DPYD: variants seen among roughly 807,000 people sequenced by gnomAD.
DPYD encodes dihydropyrimidine dehydrogenase [NADP(+)].
A neutral mutation model predicts 116.2 loss-of-function variants in DPYD; 109 were observed. That is an observed-to-expected ratio of 0.94 (90% confidence interval 0.80 to 1.10). The LOEUF is 1.10. Ranked by LOEUF, DPYD falls within the 50% of genes least tolerant of loss-of-function variation. The pLI is 0.00. For synonymous variants in DPYD, 440 were observed against 432.0 expected (o/e 1.02, Z -0.23); for missense variants, 1,302 against 1,254.5 (o/e 1.04, Z -0.57).
At chr1:97,455,917 CT>C (rs1300760501) in intron 13 of DPYD, among the ~76,000 whole-genome samples, 6 of 151,758 alleles carry the variant, frequency 4.0e-5, no homozygotes, top group Non-Finnish European at 7.4e-5. Flanking sequence ...AGAATTTGCC[CT>C]TTTGTCATCA....
intron 20 of DPYD, among the ~76,000 whole-genome samples, chr1:97,181,300 CA>C (rs1351129844): frequency 1.3e-5 from 2 of 152,076 alleles, no homozygotes; most frequent in Non-Finnish European, 2.9e-5. Flanking sequence ...ACAAGCAATG[CA>C]AAACTACCTC....
intron 8 of DPYD, among the ~76,000 whole-genome samples, chr1:97,676,475 G>A (rs532940148): frequency 2.0e-4 from 30 of 152,224 alleles, no homozygotes; most frequent in Admixed American, 1.9e-3. Flanking sequence ...GTTTGAAAAT[G>A]GCTTACATTG....
At chr1:97,706,671 T>A (rs1661974598) in intron 5 of DPYD, among the ~76,000 whole-genome samples, 1 of 152,086 alleles carries the variant, frequency 6.6e-6, no homozygotes, top group African/African-American at 2.4e-5. Flanking sequence ...TTAAGTTTTC[T>A]CTGTGTCTCT....
At chr1:97,124,765 C>T (rs1652707698) in intron 20 of DPYD, among the ~76,000 whole-genome samples, 1 of 152,160 alleles carries the variant, frequency 6.6e-6, no homozygotes, top group Admixed American at 6.6e-5. Flanking sequence ...TGTGCATCCA[C>T]ACAGTGAATA....
intron 8 of DPYD, among the ~76,000 whole-genome samples, chr1:97,667,551 C>CACAAA (rs767519834): frequency 2.6e-5 from 4 of 152,128 alleles, no homozygotes; most frequent in Admixed American, 1.3e-4. Context: ...TCAAAAAACA[C>CACAAA]ACAAAAACAA....
intron 10 of DPYD, among the ~76,000 whole-genome samples, chr1:97,580,078 T>C (rs1269076985): frequency 6.6e-6 from 1 of 152,230 alleles, no homozygotes; most frequent in African/African-American, 2.4e-5. Flanking sequence ...CTTAATTTTC[T>C]ATAATTAAAA....
At chr1:97,488,519 C>T (rs1678781143) in intron 13 of DPYD, among the ~76,000 whole-genome samples, 2 of 152,184 alleles carry the variant, frequency 1.3e-5, no homozygotes, top group Non-Finnish European at 2.9e-5. Flanking sequence ...TTAATCTGTA[C>T]TTCATAAGCT....
chr1:97,678,171 G>A (rs925084987), intron 8 of DPYD, among the ~76,000 whole-genome samples: 12 of 152,072 alleles, frequency 7.9e-5, no homozygotes, highest in African/African-American at 2.9e-4. Context: ...TTCTCATAAG[G>A]AGCATGCAAC....
intron 20 of DPYD, among the ~76,000 whole-genome samples, chr1:97,116,372 T>A (rs979889214): frequency 3.3e-5 from 5 of 152,032 alleles, no homozygotes; most frequent in Non-Finnish European, 7.4e-5. Flanking sequence ...AAACTATAGC[T>A]GATGTAAAAT....
At chr1:97,196,264 T>G (rs895424478) in intron 19 of DPYD, among the ~76,000 whole-genome samples, 3 of 151,452 alleles carry the variant, frequency 2.0e-5, no homozygotes, top group African/African-American at 7.3e-5. Flanking sequence ...CATGCTTGGG[T>G]AATTGTTTTT....
chr1:97,496,906 T>C (rs760331401), intron 13 of DPYD, among the ~76,000 whole-genome samples: 5 of 151,958 alleles, frequency 3.3e-5, no homozygotes, highest in Non-Finnish European at 4.4e-5. Flanking sequence ...TAAAATACTA[T>C]AAAAATACAA....
intron 3 of DPYD, among the ~76,000 whole-genome samples, chr1:97,827,677 T>C (rs184726874): frequency 2.6e-5 from 4 of 151,956 alleles, no homozygotes; most frequent in Non-Finnish European, 5.9e-5. Context: ...AAAAATACTA[T>C]AATATAATAT....
At chr1:97,503,886 C>A in intron 13 of DPYD, among the ~76,000 whole-genome samples, 1 of 151,986 alleles carries the variant, frequency 6.6e-6, no homozygotes. Flanking sequence ...AAGTAAAATT[C>A]AATATGGATA....
intron 1 of DPYD, among the ~76,000 whole-genome samples, chr1:97,915,888 T>C (rs552506830): frequency 6.6e-6 from 1 of 152,168 alleles, no homozygotes; most frequent in African/African-American, 2.4e-5. Context: ...TTCTTTGTCA[T>C]GATATTTTAC....
chr1:97,461,630 A>G (rs1677039460), intron 13 of DPYD, among the ~76,000 whole-genome samples: 1 of 152,216 alleles, frequency 6.6e-6, no homozygotes, highest in South Asian at 2.1e-4. Context: ...AAACTACCCT[A>G]AATATAAGAT....
chr1:97,910,126 T>TTTTACAAGCCA (rs1673860588), intron 1 of DPYD, among the ~76,000 whole-genome samples: 2 of 152,076 alleles, frequency 1.3e-5, no homozygotes, highest in African/African-American at 4.8e-5. Flanking sequence ...TGCATCACAT[T>TTTTACAAGCCA]TTCTTGGTTT....
chr1:97,870,241 C>G (rs528828789), intron 2 of DPYD, among the ~76,000 whole-genome samples: 1 of 151,926 alleles, frequency 6.6e-6, no homozygotes, highest in East Asian at 1.9e-4. Context: ...TTCTGTCTCA[C>G]TAATGACTAC....
chr1:97,086,030 T>C (rs909454739), intron 21 of DPYD, among the ~76,000 whole-genome samples: 2 of 152,176 alleles, frequency 1.3e-5, no homozygotes, highest in Admixed American at 6.5e-5. Flanking sequence ...TTGTTTGAGA[T>C]AATTAAAAGT....
chr1:97,800,063 T>C (rs1557971433), intron 3 of DPYD, among the ~76,000 whole-genome samples: 2 of 151,958 alleles, frequency 1.3e-5, no homozygotes, highest in African/African-American at 2.4e-5. Context: ...ATATTTGCCA[T>C]TTATTTTTTG....
Sources: allele counts gnomAD v4.1 joint callset (sites outside exome capture counted in the v4.1 genomes callset), GRCh38; gene constraint gnomAD v4.1.1; transcripts MANE v1.5; gene names NCBI Gene and HGNC (gene_info 2026-07-23, HGNC 2026-07-21).